SPATA16: variants seen among roughly 807,000 people sequenced by gnomAD.
SPATA16 encodes the protein spermatogenesis-associated protein 16.
A neutral mutation model predicts 63.3 loss-of-function variants in SPATA16; 36 were observed. That is an observed-to-expected ratio of 0.57 (90% CI 0.44 to 0.75). The LOEUF (loss-of-function observed/expected upper bound fraction) is 0.75, where lower values mean the gene tolerates loss of function less well. Ranked by LOEUF, SPATA16 falls within the 30% of genes least tolerant of loss-of-function variation. SPATA16 has a pLI of 0.00. For synonymous variants in SPATA16, 203 were observed against 216.7 expected, an observed-to-expected ratio of 0.94 and a Z score of 0.56; for missense variants, 646 against 679.3, an observed-to-expected ratio of 0.95 and a Z score of 0.54.
chr3:172,962,708 C>G (rs908193527), intron 5 of SPATA16, among the ~76,000 whole-genome samples: 16 of 151,798 alleles, frequency 1.1e-4, no homozygotes, highest in Non-Finnish European at 8.8e-5. Context: ...GTTTTATTTT[C>G]AGAGTTAACA....
rs1432820314 is a variant in SPATA16 at position 172,956,805 on chromosome 3, A to G, written c.953T>C (p.Ile318Thr). Residue 318 changes from isoleucine to threonine, a missense_variant, in exon 6 of 11, where the codon ATC becomes ACC. Transcript: ENST00000351008. ...AACCGAGAAAGATTCAGCTCTGGTG[A>G]TGGCTTCCTCAATCATGGCCTAAGA... is the stretch of plus-strand genomic sequence containing the variant. ...LYWQAMIEEAITRAESFSVMY... is the reference protein window; with the variant it reads ...LYWQAMIEEATTRAESFSVMY... The G allele has an allele frequency of 1.2e-6, 2 of 1,613,286 alleles. No individual in the cohort carries two copies.
chr3:172,976,465 T>A (rs1734161260), intron 5 of SPATA16, among the ~76,000 whole-genome samples: 1 of 152,126 alleles, frequency 6.6e-6, no homozygotes, highest in Non-Finnish European at 1.5e-5. Flanking sequence ...TGATTGACCT[T>A]TGGTATGACT....
intron 2 of SPATA16, among the ~76,000 whole-genome samples, chr3:173,056,308 T>A (rs1029674249): frequency 6.6e-6 from 1 of 152,228 alleles, no homozygotes; most frequent in East Asian, 1.9e-4. Flanking sequence ...TAATGATCTT[T>A]TAGTTTGTTA....
chr3:172,923,442 C>T (rs1375908714), intron 8 of SPATA16, among the ~76,000 whole-genome samples: 1 of 152,042 alleles, frequency 6.6e-6, no homozygotes, highest in Non-Finnish European at 1.5e-5. Flanking sequence ...TCTTAGCTCC[C>T]CTTTTAAGGT....
chr3:173,119,157 G>C (rs1737990354), intron 1 of SPATA16, among the ~76,000 whole-genome samples: 1 of 152,144 alleles, frequency 6.6e-6, no homozygotes, highest in Non-Finnish European at 1.5e-5. Flanking sequence ...GCCTGTCGAG[G>C]GGGTGTGGGG....
At chr3:173,086,227 C>G (rs886581164) in intron 2 of SPATA16, among the ~76,000 whole-genome samples, 2 of 152,042 alleles carry the variant, frequency 1.3e-5, no homozygotes, top group Non-Finnish European at 2.9e-5. Flanking sequence ...TTTGTCTATT[C>G]AGGAATTCAA....
intron 2 of SPATA16, among the ~76,000 whole-genome samples, chr3:173,093,435 A>G (rs974430756): frequency 6.6e-6 from 1 of 152,152 alleles, no homozygotes; most frequent in Non-Finnish European, 1.5e-5. Context: ...TCATTTCTGA[A>G]CTATAGTCTT....
At chr3:172,969,650 A>G (rs1345717402) in intron 5 of SPATA16, among the ~76,000 whole-genome samples, 1 of 152,184 alleles carries the variant, frequency 6.6e-6, no homozygotes, top group Non-Finnish European at 1.5e-5. Context: ...AGGCCAACAG[A>G]AGCAGAAATG....
chr3:172,991,786 G>A (rs1039264112), intron 4 of SPATA16, among the ~76,000 whole-genome samples: 4 of 152,124 alleles, frequency 2.6e-5, no homozygotes, highest in African/African-American at 9.7e-5. Context: ...GGGGACACAA[G>A]CAAGGCTGAA....
At chr3:173,029,694 T>A (rs910763612) in intron 3 of SPATA16, among the ~76,000 whole-genome samples, 48 of 152,092 alleles carry the variant, frequency 3.2e-4, no homozygotes, top group African/African-American at 1.2e-3. Flanking sequence ...GAAAAGATAG[T>A]CTGGAGCAAA....
chr3:173,037,983 T>G (rs1735753083), intron 3 of SPATA16, among the ~76,000 whole-genome samples: 1 of 152,118 alleles, frequency 6.6e-6, no homozygotes, highest in Non-Finnish European at 1.5e-5. Flanking sequence ...AAAATACACA[T>G]TCTTGAAATG....
intron 2 of SPATA16, among the ~76,000 whole-genome samples, chr3:173,116,603 G>C (rs991004337): frequency 6.6e-6 from 1 of 152,220 alleles, no homozygotes; most frequent in African/African-American, 2.4e-5. Flanking sequence ...AATAAAGTTT[G>C]ATGGTAAAGT....
intron 6 of SPATA16, among the ~76,000 whole-genome samples, chr3:172,947,918 A>C (rs1458582324): frequency 6.6e-6 from 1 of 152,212 alleles, no homozygotes; most frequent in East Asian, 1.9e-4. Flanking sequence ...TACATTCTGC[A>C]CATGTATCCC....
intron 6 of SPATA16, among the ~76,000 whole-genome samples, chr3:172,929,070 G>C (rs1732805724): frequency 6.6e-6 from 1 of 152,118 alleles, no homozygotes; most frequent in Admixed American, 6.5e-5. Flanking sequence ...AAGTTAACCA[G>C]ATTATATTAC....
At chr3:172,891,015 T>C (rs1298297767) in intron 10 of SPATA16, among the ~76,000 whole-genome samples, 1 of 142,584 alleles carries the variant, frequency 7.0e-6, no homozygotes, top group Non-Finnish European at 1.6e-5. Context: ...CATACACATA[T>C]ACACTATCTG....
At chr3:172,961,051 CTTTCTTTCTTTCTT>C (rs1733759204) in intron 5 of SPATA16, among the ~76,000 whole-genome samples, 1 of 61,768 alleles carries the variant, frequency 1.6e-5, no homozygotes, top group African/African-American at 6.4e-5. Flanking sequence ...TTTCTTTCTT[CTTTCTTTCTTTCTT>C]CTTTCTTCCT....
At chr3:172,993,286 A>G (rs1734622642) in intron 4 of SPATA16, among the ~76,000 whole-genome samples, 1 of 152,146 alleles carries the variant, frequency 6.6e-6, no homozygotes, top group Non-Finnish European at 1.5e-5. Context: ...CTCACAGGCA[A>G]TGGATGGAAT....
chr3:172,910,829 A>T (rs1577085850), intron 10 of SPATA16, among the ~76,000 whole-genome samples: 1 of 152,340 alleles, frequency 6.6e-6, no homozygotes, highest in East Asian at 1.9e-4. Flanking sequence ...ATGACTAAGA[A>T]ATATCTATCT....
intron 2 of SPATA16, among the ~76,000 whole-genome samples, chr3:173,085,183 T>A (rs1338331777): frequency 6.6e-6 from 1 of 152,024 alleles, no homozygotes; most frequent in African/African-American, 2.4e-5. Context: ...TGTGTCCTGA[T>A]TTTCTTGAGG....
Sources: allele counts gnomAD v4.1 joint callset (sites outside exome capture counted in the v4.1 genomes callset), GRCh38; gene constraint gnomAD v4.1.1; transcripts MANE v1.5; gene names NCBI Gene and HGNC (gene_info 2026-07-23, HGNC 2026-07-21).